Variants in CLDN16 observed in about 807,000 individuals in gnomAD.
The protein encoded by CLDN16 is claudin 16.
CLDN16 carries 13 observed loss-of-function variants against 24.6 expected under a neutral mutation model. The observed-to-expected ratio is 0.53, with a 90% CI of 0.34 to 0.84. CLDN16 has a LOEUF of 0.84. CLDN16 is among the 40% of genes least tolerant of loss of function. The pLI is 0.01. For missense variants in CLDN16, 298 were observed against 292.7 expected (o/e 1.02, Z -0.13); for synonymous variants, 116 against 106.7 (o/e 1.09, Z -0.54).
At chr3:190,353,834 T>C (rs1442706722) in intron 1 of CLDN16, among the ~76,000 whole-genome samples, 2 of 152,078 alleles carry the variant, frequency 1.3e-5, no homozygotes, top group Non-Finnish European at 2.9e-5. Context: ...CTTCAACTCA[T>C]GGTTTCTGTA....
the CLDN16 span, among the ~76,000 whole-genome samples, chr3:190,301,949 A>C: frequency 7.2e-5 from 11 of 152,180 alleles, no homozygotes; most frequent in Admixed American, 4.6e-4. Context: ...CTTTCATTCA[A>C]AGTAAAAGAG....
intron 3 of CLDN16, among the ~76,000 whole-genome samples, chr3:190,381,679 T>C (rs1718375973): frequency 2.6e-5 from 4 of 152,086 alleles, no homozygotes; most frequent in African/African-American, 7.2e-5. Context: ...TGCTTTTGTA[T>C]ATTTGTCACT....
chr3:190,379,890 C>T (rs1040912346), intron 3 of CLDN16, among the ~76,000 whole-genome samples: 2 of 151,860 alleles, frequency 1.3e-5, no homozygotes, highest in African/African-American at 4.8e-5. Context: ...TAATCATTTC[C>T]TCATTTATGG....
chr3:190,338,720 A>G lies in CLDN16; in HGVS notation n.121+16059A>G, dbSNP rs138280925. Among the ~76,000 whole-genome samples the G allele has an allele frequency of 3.1e-3, 478 of 152,350 alleles. No homozygotes were observed. In the South Asian group the frequency reaches 0.032, roughly 10 times the overall value. On this transcript the variant is annotated intron_variant and non_coding_transcript_variant, in intron 1 of 4. Coordinates refer to the CLDN16 transcript ENST00000468220. ...CAAAGAAGGCTGTAATTCATCCTAC[A>G]AATGCTCCTCTTACAAGTTTTCCTA...
intron 3 of CLDN16, among the ~76,000 whole-genome samples, chr3:190,407,014 A>G (rs550080849): frequency 6.6e-6 from 1 of 152,284 alleles, no homozygotes; most frequent in Non-Finnish European, 1.5e-5. Flanking sequence ...CGCTGGGATT[A>G]CAGGTGTGAG....
At chr3:190,363,541 C>CGTGT (rs202074908) in intron 1 of CLDN16, among the ~76,000 whole-genome samples, 7 of 16,968 alleles carry the variant, frequency 4.1e-4, no homozygotes, top group African/African-American at 1.2e-3. Context: ...AGTTGCTGTG[C>CGTGT]GTGTGTGTGT....
chr3:190,411,678 G>C lies in CLDN16; in HGVS notation c.*1642G>C, dbSNP rs1328502693. ...TTCCTACTACATGAATTAACGTTTC[G>C]AGATTGCTGTTTATTACTTCCCAGA... On this transcript the variant is annotated 3_prime_UTR_variant, in exon 5 of 5. Transcript: ENST00000264734. The C allele has an allele frequency of 6.6e-6, 1 of 152,102 alleles. No individual in the cohort carries two copies. The highest frequency in any genetic ancestry group is 6.6e-5 in the Admixed American group (1 of 15,266). The allele number at this position is 152,102 out of a possible 1,614,324, so 9.4% of individuals were successfully genotyped here.
chr3:190,295,504 G>A, the CLDN16 span, among the ~76,000 whole-genome samples: 1 of 152,106 alleles, frequency 6.6e-6, no homozygotes, highest in African/African-American at 2.4e-5. Flanking sequence ...AACAGCATAG[G>A]AAACTTAATA....
At chr3:190,379,007 A>G (rs1174280222) in intron 3 of CLDN16, among the ~76,000 whole-genome samples, 4 of 152,072 alleles carry the variant, frequency 2.6e-5, no homozygotes, top group Non-Finnish European at 5.9e-5. Context: ...AATGATAGTT[A>G]TTTCCATTAA....
At position 190,328,674 on chromosome 3, in the gene CLDN16, G is replaced by GT. The variant is rs1475755470; in HGVS notation, n.121+6014dup. On this transcript the variant is annotated intron_variant and non_coding_transcript_variant, in intron 1 of 4. Coordinates refer to the CLDN16 transcript ENST00000468220. ...CTACATAAGGGAGAGAACATTCTAC[G>GT]TAAAAAAAAAAAACAAGATTTTATA... Among the ~76,000 whole-genome samples the GT allele has an allele frequency of 3.4e-5, 5 of 145,020 alleles. No homozygotes were observed. In the South Asian group the frequency reaches 1.2e-3, roughly 33 times the overall value.
the CLDN16 span, among the ~76,000 whole-genome samples, chr3:190,293,743 T>C: frequency 6.6e-6 from 1 of 152,292 alleles, no homozygotes; most frequent in East Asian, 1.9e-4. Flanking sequence ...TATTCAACAG[T>C]ATTGTCAAGA....
Position 190,411,257 on chromosome 3 carries a change from T to A in CLDN16, c.*1221T>A, listed in dbSNP as rs1208428510. On this transcript the variant is annotated 3_prime_UTR_variant, in exon 5 of 5. Coordinates refer to ENST00000264734, the MANE Select transcript of CLDN16 (RefSeq NM_006580.4). ...TCTGGCAACAGAGCGAGACTCCATC[T>A]CAAAAAACAAAAATAAATAAATAAA... 1 of 152,080 alleles carries A rather than the reference T, an allele frequency of 6.6e-6. No homozygotes were observed. Among genetic ancestry groups the A allele is most frequent in the Non-Finnish European group, 1.5e-5 (1 of 68,020 alleles). The allele number at this position is 152,080 out of a possible 1,614,324, so 9.4% of individuals were successfully genotyped here. A position where few individuals can be genotyped will look rare whatever the true frequency, so the allele number is the denominator to read the frequency against.
intron 1 of CLDN16, among the ~76,000 whole-genome samples, chr3:190,328,902 T>G (rs1471426053): frequency 6.6e-6 from 1 of 152,204 alleles, no homozygotes; most frequent in Non-Finnish European, 1.5e-5. Flanking sequence ...GCTCTATGGT[T>G]TCTGATTTCT....
chr3:190,359,683 T>C (rs1717846156), intron 1 of CLDN16, among the ~76,000 whole-genome samples: 1 of 152,040 alleles, frequency 6.6e-6, no homozygotes, highest in African/African-American at 2.4e-5. Flanking sequence ...TAATGTGATC[T>C]GTGCTTGTTC....
the CLDN16 span, among the ~76,000 whole-genome samples, chr3:190,309,399 T>C: frequency 6.6e-6 from 1 of 152,202 alleles, no homozygotes; most frequent in Non-Finnish European, 1.5e-5. Flanking sequence ...TGGGTGATTA[T>C]ATAAAAAGAA....
chr3:190,363,742 A>C (rs1384896626), intron 1 of CLDN16, among the ~76,000 whole-genome samples: 1 of 151,330 alleles, frequency 6.6e-6, no homozygotes, highest in Non-Finnish European at 1.5e-5. Flanking sequence ...TGTCTTTTAC[A>C]CAGTGGGTTT....
intron 1 of CLDN16, among the ~76,000 whole-genome samples, chr3:190,394,566 C>T (rs905137965): frequency 2.0e-5 from 3 of 152,108 alleles, no homozygotes; most frequent in African/African-American, 7.2e-5. Flanking sequence ...CAAACTCTTT[C>T]AGCAGATGTT....
chr3:190,393,551 A>T (rs951310937), intron 1 of CLDN16, among the ~76,000 whole-genome samples: 14 of 152,198 alleles, frequency 9.2e-5, no homozygotes, highest in African/African-American at 3.1e-4. Flanking sequence ...CAGCAGGCAG[A>T]TATGAATCAG....
intron 1 of CLDN16, among the ~76,000 whole-genome samples, chr3:190,330,487 T>C (rs1717159851): frequency 1.3e-5 from 2 of 152,192 alleles, no homozygotes; most frequent in South Asian, 4.1e-4. Flanking sequence ...GATAAGTTAC[T>C]TATCATCCTC....
Sources: gnomAD v4.1 joint callset for allele counts (sites outside exome capture counted in the v4.1 genomes callset) on GRCh38, gnomAD v4.1.1 for gene constraint, MANE v1.5 for transcripts, NCBI Gene and HGNC (gene_info 2026-07-23, HGNC 2026-07-21) for gene names.